The following PRELID2 variants were observed in gnomAD, a reference collection of about 807,000 sequenced individuals.
PRELID2 encodes the protein PRELI domain-containing protein 2.
PRELID2 carries 25 observed loss-of-function variants against 28.4 expected under a neutral mutation model. The ratio of observed to expected loss-of-function variants is 0.88; its 90% CI spans 0.64 to 1.23. The LOEUF is 1.23. PRELID2 is among the 50% of genes most tolerant of loss of function. PRELID2 has a pLI of 0.00. For synonymous variants in PRELID2, 76 were observed against 71.6 expected, an observed-to-expected ratio of 1.06 and a Z score of -0.31; for missense variants, 201 against 214.4, an observed-to-expected ratio of 0.94 and a Z score of 0.39.
At chr5:145,490,128 T>C (rs547951556) in intron 1 of PRELID2, among the ~76,000 whole-genome samples, 45 of 152,324 alleles carry the variant, frequency 3.0e-4, no homozygotes, top group Non-Finnish European at 6.0e-4. Context: ...ATAGAAGACA[T>C]AGAAATTTTG....
chr5:145,815,524 C>A (rs373519694), intron 4 of PRELID2, among the ~76,000 whole-genome samples: 15 of 152,246 alleles, frequency 9.9e-5, no homozygotes, highest in African/African-American at 3.1e-4. Context: ...ATTTTCATCA[C>A]CCCAAAAAAG....
At chr5:145,261,602 C>T in the PRELID2 span, among the ~76,000 whole-genome samples, 1 of 152,168 alleles carries the variant, frequency 6.6e-6, no homozygotes, top group African/African-American at 2.4e-5. Flanking sequence ...ACAATCACTG[C>T]AGTTCAGCTC....
the PRELID2 span, among the ~76,000 whole-genome samples, chr5:145,379,063 A>G: frequency 1.3e-5 from 2 of 151,964 alleles, no homozygotes; most frequent in African/African-American, 4.8e-5. Context: ...AGCCAGCTGG[A>G]CTTATTTCTG....
At chr5:145,398,916 T>C in the PRELID2 span, among the ~76,000 whole-genome samples, 1 of 152,060 alleles carries the variant, frequency 6.6e-6, no homozygotes, top group East Asian at 1.9e-4. Context: ...CTTGAGAGGA[T>C]CATATAGAAA....
At chr5:145,425,271 T>C in the PRELID2 span, among the ~76,000 whole-genome samples, 5 of 151,992 alleles carry the variant, frequency 3.3e-5, no homozygotes, top group Non-Finnish European at 7.4e-5. Flanking sequence ...GCTGGTTAGG[T>C]TGTGGAGAAA....
At chr5:145,312,202 A>G in the PRELID2 span, among the ~76,000 whole-genome samples, 1 of 151,592 alleles carries the variant, frequency 6.6e-6, no homozygotes, top group Non-Finnish European at 1.5e-5. Flanking sequence ...AAAAAAAAAA[A>G]AATTAGGTGG....
At chr5:145,704,546 T>G (rs1755490601) in intron 1 of PRELID2, among the ~76,000 whole-genome samples, 1 of 152,224 alleles carries the variant, frequency 6.6e-6, no homozygotes, top group Non-Finnish European at 1.5e-5. Flanking sequence ...TTTAATTTCT[T>G]CCTCTGTAAA....
intron 1 of PRELID2, among the ~76,000 whole-genome samples, chr5:145,705,036 C>T (rs569618074): frequency 1.3e-5 from 2 of 152,232 alleles, no homozygotes; most frequent in Admixed American, 1.3e-4. Flanking sequence ...TTAAGACACC[C>T]AAGGTGGTTT....
the PRELID2 span, among the ~76,000 whole-genome samples, chr5:145,374,555 G>A: frequency 1.3e-5 from 2 of 152,030 alleles, no homozygotes; most frequent in Non-Finnish European, 2.9e-5. Flanking sequence ...AGTTTCCCTG[G>A]TTAATATCCT....
chr5:145,679,303 G>C (rs1026491097), intron 1 of PRELID2, among the ~76,000 whole-genome samples: 1 of 152,144 alleles, frequency 6.6e-6, no homozygotes, highest in Non-Finnish European at 1.5e-5. Flanking sequence ...CAGGTGGGAG[G>C]GTTGTCATGT....
At chr5:145,676,207 C>T (rs1161677076) in intron 1 of PRELID2, among the ~76,000 whole-genome samples, 6 of 118,976 alleles carry the variant, frequency 5.0e-5, no homozygotes, top group Admixed American at 2.9e-4. Context: ...GCAACAAGAG[C>T]GAAACTCCAT....
the PRELID2 span, among the ~76,000 whole-genome samples, chr5:145,425,678 T>C: frequency 2.0e-5 from 3 of 152,132 alleles, no homozygotes; most frequent in South Asian, 2.1e-4. Context: ...CACCTCATAT[T>C]CTCACTTATA....
the PRELID2 span, among the ~76,000 whole-genome samples, chr5:145,422,168 T>G: frequency 2.7e-5 from 4 of 147,788 alleles, no homozygotes; most frequent in African/African-American, 1.0e-4. Context: ...TGGTCAATTT[T>G]GGAATAGGTG....
At chr5:145,796,923 T>A (rs188635961) in intron 4 of PRELID2, among the ~76,000 whole-genome samples, 2 of 152,194 alleles carry the variant, frequency 1.3e-5, no homozygotes, top group Admixed American at 1.3e-4. Flanking sequence ...AAATGAGTTA[T>A]CACACATCAC....
intron 1 of PRELID2, among the ~76,000 whole-genome samples, chr5:145,647,189 C>T (rs1345859442): frequency 1.3e-5 from 2 of 152,212 alleles, no homozygotes; most frequent in Non-Finnish European, 2.9e-5. Flanking sequence ...ACTGGGGCTG[C>T]TGCCTTTTTT....
At chr5:145,455,535 A>T in the PRELID2 span, among the ~76,000 whole-genome samples, 4 of 152,334 alleles carry the variant, frequency 2.6e-5, no homozygotes, top group South Asian at 8.3e-4. Context: ...TACTTTGGGC[A>T]GTATGGCCAT....
chr5:145,267,936 A>G, the PRELID2 span, among the ~76,000 whole-genome samples: 13,175 of 152,172 alleles, frequency 0.087, 1,203 homozygotes, highest in African/African-American at 0.24. Flanking sequence ...ATAACTGTTT[A>G]CCATTTGTAT....
chr5:145,537,065 A>G (rs1181203904), intron 1 of PRELID2, among the ~76,000 whole-genome samples: 2 of 151,970 alleles, frequency 1.3e-5, no homozygotes, highest in East Asian at 3.9e-4. Context: ...TAAATCAACT[A>G]GAATCCCGTC....
chr5:145,709,588 A>AC (rs1206887426), intron 1 of PRELID2, among the ~76,000 whole-genome samples: 1 of 152,006 alleles, frequency 6.6e-6, no homozygotes, highest in Non-Finnish European at 1.5e-5. Context: ...TATTTAAAAA[A>AC]AAAAAAAACA....
Sources: gnomAD v4.1 joint callset for allele counts (sites outside exome capture counted in the v4.1 genomes callset) on GRCh38, gnomAD v4.1.1 for gene constraint, MANE v1.5 for transcripts, NCBI Gene and HGNC (gene_info 2026-07-23, HGNC 2026-07-21) for gene names.